EFCAB14: variants seen among roughly 807,000 people sequenced by gnomAD.
EFCAB14 encodes EF-hand calcium binding domain 14, also known as EF-hand calcium-binding domain-containing protein 14.
EFCAB14 carries 43 observed loss-of-function variants against 56.5 expected under a neutral mutation model. The observed-to-expected ratio is 0.76, with a 90% CI of 0.60 to 0.98. EFCAB14 has a LOEUF of 0.98. EFCAB14 is among the 50% of genes least tolerant of loss of function. The pLI is 0.00. For synonymous variants in EFCAB14, 235 were observed against 212.9 expected, an observed-to-expected ratio of 1.10 and a Z score of -0.90; for missense variants, 538 against 580.3, an observed-to-expected ratio of 0.93 and a Z score of 0.75.
chr1:46,704,238 A>T (rs977655356), intron 3 of EFCAB14, among the ~76,000 whole-genome samples: 8 of 152,010 alleles, frequency 5.3e-5, no homozygotes, highest in Admixed American at 2.0e-4. Flanking sequence ...GGATCACTTG[A>T]TTCCAGGAGT....
At chr1:46,684,458 C>T in intron 9 of EFCAB14, 33 bp downstream of exon 9, 3 of 1,577,060 alleles carry the variant, frequency 1.9e-6, no homozygotes, top group South Asian at 1.1e-5. Context: ...CTCAAGCCTC[C>T]ATGAAATATT....
chr1:46,679,964 G>A (rs1468539769), intron 10 of EFCAB14, among the ~76,000 whole-genome samples: 2 of 152,026 alleles, frequency 1.3e-5, no homozygotes, highest in Non-Finnish European at 2.9e-5. Context: ...TCTGGATCCA[G>A]AAATTAAGCA....
chr1:46,702,753 T>C (rs940736368), intron 3 of EFCAB14, among the ~76,000 whole-genome samples: 2 of 152,216 alleles, frequency 1.3e-5, no homozygotes, highest in African/African-American at 4.8e-5. Flanking sequence ...TACAACTTTC[T>C]AGTGCAATTA....
chr1:46,680,402 T>C (rs1676774083), intron 10 of EFCAB14, among the ~76,000 whole-genome samples: 1 of 152,182 alleles, frequency 6.6e-6, no homozygotes, highest in Non-Finnish European at 1.5e-5. Flanking sequence ...TACTGATACA[T>C]GCTCCAACAT....
chr1:46,684,405 C>A (rs2148838818), intron 9 of EFCAB14, 86 bp downstream of exon 9: 1 of 1,090,320 alleles, frequency 9.2e-7, no homozygotes, highest in Non-Finnish European at 1.4e-6. Flanking sequence ...GCGATCAGTA[C>A]TGCTGGAACA....
chr1:46,679,504 T>C (rs1370989733), intron 10 of EFCAB14, among the ~76,000 whole-genome samples: 2 of 151,160 alleles, frequency 1.3e-5, no homozygotes, highest in Admixed American at 6.6e-5. Flanking sequence ...GGTTTCACCA[T>C]GTTGGCCAGG....
chr1:46,716,430 G>A lies in EFCAB14; in HGVS notation c.199C>T (p.Arg67Ter), dbSNP rs376307604. ...AGCGGATAACAGATCTTGCAGCATC[G>A]TAAATAGTCTCCCCTGCTCAAGAGG... ...RSRFAKGDYL[R>*]CCKICYPLCG... Residue 67 changes from arginine to a stop codon, truncating the protein, a stop_gained, in exon 2 of 11, where the codon CGA becomes TGA. Coordinates refer to ENST00000371933, the MANE Select transcript of EFCAB14 (RefSeq NM_014774.3). LOFTEE classifies it high-confidence loss of function. 7 of 1,613,936 alleles carry A rather than the reference G, an allele frequency of 4.3e-6. No individual in the cohort carries two copies. Among genetic ancestry groups the A allele is most frequent in the South Asian group, 2.2e-5 (2 of 91,078 alleles).
chr1:46,702,355 GCAT>G (rs1239652647), intron 3 of EFCAB14, among the ~76,000 whole-genome samples: 1 of 152,174 alleles, frequency 6.6e-6, no homozygotes, highest in Non-Finnish European at 1.5e-5. Flanking sequence ...CAGGGACTCA[GCAT>G]CATATCCTTT....
intron 3 of EFCAB14, among the ~76,000 whole-genome samples, chr1:46,701,927 A>C (rs1004802154): frequency 2.0e-5 from 3 of 152,224 alleles, no homozygotes; most frequent in African/African-American, 7.2e-5. Flanking sequence ...CATCTGTGGA[A>C]AGCTATAGCA....
Position 46,718,785 on chromosome 1 carries a change from G to A in EFCAB14, c.-698C>T, listed in dbSNP as rs1409063349. ...GGGGGCCCGAGGCCGAGGAAGATCCGGAGCCCGGCTAGAAGGGTCGGCCTG... is the reference window on the plus strand; with the variant it reads ...GGGGGCCCGAGGCCGAGGAAGATCCAGAGCCCGGCTAGAAGGGTCGGCCTG... On this transcript the variant is annotated 5_prime_UTR_variant, in exon 1 of 11. Coordinates refer to ENST00000371933, the MANE Select transcript of EFCAB14 (RefSeq NM_014774.3). 2 of 152,476 alleles carry A rather than the reference G, an allele frequency of 1.3e-5. No individual in the cohort carries two copies. The highest frequency in any genetic ancestry group is 1.9e-4 in the East Asian group (1 of 5,172). The allele number at this position is 152,476 out of a possible 1,614,324, so 9.4% of individuals were successfully genotyped here.
chr1:46,688,474 T>C lies in EFCAB14; in HGVS notation c.866A>G (p.Asp289Gly), dbSNP rs972698090. Reference sequence around the variant, plus strand: ...CTCGTTCATTCCCTCGAGTTTAAGATCATTCTGTCTCTGGTACCCCACTAG... The same window carrying C: ...CTCGTTCATTCCCTCGAGTTTAAGACCATTCTGTCTCTGGTACCCCACTAG... ...SALVGYQRQN[D>G]LKLEGMNETV... Residue 289 changes from aspartate to glycine, a missense_variant, in exon 7 of 11, where the codon GAT (aspartate) becomes GGT (glycine). Transcript: ENST00000371933. The C allele has an allele frequency of 1.2e-6, 2 of 1,613,954 alleles. No individual in the cohort carries two copies. The highest frequency in any genetic ancestry group is 8.5e-7 in the Non-Finnish European group (1 of 1,179,888).
chr1:46,707,494 C>T (rs1677250141), intron 3 of EFCAB14, among the ~76,000 whole-genome samples: 1 of 152,178 alleles, frequency 6.6e-6, no homozygotes, highest in Admixed American at 6.5e-5. Flanking sequence ...CTTAGAATGA[C>T]TACTGTTGAT....
chr1:46,712,128 C>T (rs1677318454), intron 2 of EFCAB14, among the ~76,000 whole-genome samples: 1 of 152,208 alleles, frequency 6.6e-6, no homozygotes, highest in Admixed American at 6.5e-5. Context: ...GTCAAACCTT[C>T]TGCTCCTAGG....
intron 3 of EFCAB14, among the ~76,000 whole-genome samples, chr1:46,702,164 A>G (rs1677168034): frequency 6.6e-6 from 1 of 152,220 alleles, no homozygotes; most frequent in Non-Finnish European, 1.5e-5. Flanking sequence ...ATATTACATG[A>G]CTTTTCATTA....
intron 10 of EFCAB14, among the ~76,000 whole-genome samples, chr1:46,682,567 G>A (rs189984649): frequency 6.6e-6 from 1 of 152,268 alleles, no homozygotes; most frequent in East Asian, 1.9e-4. Context: ...TATTGTATTT[G>A]CTTTTATGCC....
In EFCAB14 at chr1:46,679,801, C is replaced by A. The variant is rs185534724; in HGVS notation, c.1313-1165G>T. ...AATTTTTGTATTTTTAGTAGAGATG[C>A]GGTTTCATCATGTCGGCCAGGTCTC... On this transcript the variant is annotated intron_variant, in intron 10 of 10. Coordinates refer to ENST00000371933, the MANE Select transcript of EFCAB14 (RefSeq NM_014774.3). Among the ~76,000 whole-genome samples the A allele has an allele frequency of 2.0e-5, 3 of 151,272 alleles. No homozygotes were observed. In the East Asian group the frequency reaches 5.8e-4, roughly 29 times the overall value.
At chr1:46,707,147 GC>G (rs1467220802) in intron 3 of EFCAB14, among the ~76,000 whole-genome samples, 1 of 152,150 alleles carries the variant, frequency 6.6e-6, no homozygotes, top group East Asian at 1.9e-4. Context: ...TACCTTCTCA[GC>G]CCCAAGAAAA....
rs1028428504 is a variant in EFCAB14 at position 46,675,920 on chromosome 1, C to G, written c.*2541G>C. On this transcript the variant is annotated 3_prime_UTR_variant, in exon 11 of 11. Transcript: ENST00000371933. ...TAACTTAGGAAAGCAGCAGTAGGAG[C>G]TGCCAGACTGAAAAGGTAAAAGGGT... 1.3e-5 allele frequency: 2 copies of G among 152,254 alleles called. No homozygotes were observed. Among genetic ancestry groups the G allele is most frequent in the African/African-American group, 4.8e-5 (2 of 41,462 alleles). 9.4% of individuals were successfully genotyped at this position (152,254 alleles called of 1,614,324 possible).
chr1:46,689,992 C>T (rs78633448), intron 5 of EFCAB14, among the ~76,000 whole-genome samples: 6,461 of 152,180 alleles, frequency 0.042, 421 homozygotes, highest in African/African-American at 0.15. Flanking sequence ...TGCCCCATTG[C>T]CTGTGCTCCC....
Sources: allele counts gnomAD v4.1 joint callset (sites outside exome capture counted in the v4.1 genomes callset), GRCh38; gene constraint gnomAD v4.1.1; transcripts MANE v1.5; gene names NCBI Gene and HGNC (gene_info 2026-07-23, HGNC 2026-07-21).